AKR1C3: variants seen among roughly 807,000 people sequenced by gnomAD.
The protein encoded by AKR1C3 is aldo-keto reductase family 1 member C3.
In AKR1C3, 48 loss-of-function variants were observed where a neutral mutation model predicts 43.6. The ratio of observed to expected loss-of-function variants is 1.10; its 90% confidence interval spans 0.87 to 1.40. The LOEUF is 1.40. Among genes scored for constraint, AKR1C3 ranks in the 40% most tolerant of loss-of-function variants. AKR1C3 has a pLI of 0.00. For missense variants in AKR1C3, 482 were observed against 391.2 expected (o/e 1.23, Z -1.96); for synonymous variants, 162 against 139.6 (o/e 1.16, Z -1.13).
intron 1 of AKR1C3, among the ~76,000 whole-genome samples, chr10:5,056,341 T>A (rs782553743): frequency 3.3e-5 from 5 of 152,124 alleles, no homozygotes; most frequent in Non-Finnish European, 7.4e-5. Flanking sequence ...CCATGAACGA[T>A]TCTGCTTCCT....
At chr10:5,069,902 G>A (rs55824528) in intron 1 of AKR1C3, among the ~76,000 whole-genome samples, 23,115 of 151,926 alleles carry the variant, frequency 0.15, 2,254 homozygotes, top group Middle Eastern at 0.31. Context: ...GAGCCCTTCC[G>A]CCTTCTGCGC....
At chr10:5,096,603 T>G in intron 2 of AKR1C3, 26 bp downstream of exon 2, 1 of 1,604,340 alleles carries the variant, frequency 6.2e-7, no homozygotes, top group East Asian at 2.2e-5. Flanking sequence ...TGAGCTTGTG[T>G]GCACATGTAT....
intron 1 of AKR1C3, among the ~76,000 whole-genome samples, chr10:5,073,788 ATTC>A (rs1838657918): frequency 6.6e-6 from 1 of 152,128 alleles, no homozygotes; most frequent in East Asian, 1.9e-4. Context: ...CTTGTTAGTA[ATTC>A]TTCCTCCTTG....
intron 8 of AKR1C3, 72 bp downstream of exon 8, chr10:5,105,749 A>G: frequency 8.4e-7 from 1 of 1,193,704 alleles, no homozygotes; most frequent in Non-Finnish European, 1.2e-6. Flanking sequence ...GTTGAGAGTG[A>G]CCTCCATACC....
At chr10:5,052,520 G>A (rs1432798276) in intron 1 of AKR1C3, among the ~76,000 whole-genome samples, 2 of 152,194 alleles carry the variant, frequency 1.3e-5, no homozygotes, top group Admixed American at 1.3e-4. Flanking sequence ...ACAGGGTGCT[G>A]ATTGGTGTGT....
At chr10:5,101,401 A>T (rs1486325528) in intron 5 of AKR1C3, among the ~76,000 whole-genome samples, 1 of 152,156 alleles carries the variant, frequency 6.6e-6, no homozygotes, top group South Asian at 2.1e-4. Flanking sequence ...TTCTTACGTG[A>T]CATTTTACTA....
intron 1 of AKR1C3, among the ~76,000 whole-genome samples, chr10:5,088,551 G>A (rs547698011): frequency 5.3e-5 from 8 of 151,756 alleles, no homozygotes; most frequent in South Asian, 4.2e-4. Context: ...TCTTCTTGCT[G>A]TATGGAATCT....
chr10:5,093,919 TAC>T (rs1214909621), upstream of AKR1C3: 4 of 152,130 alleles, frequency 2.6e-5, no homozygotes, highest in Non-Finnish European at 5.9e-5. Flanking sequence ...CAAATATTTT[TAC>T]AGTTTTAACT....
chr10:5,107,091 T>C (rs1564373922), intron 8 of AKR1C3, among the ~76,000 whole-genome samples: 1 of 152,218 alleles, frequency 6.6e-6, no homozygotes, highest in Non-Finnish European at 1.5e-5. Context: ...ATATCATATA[T>C]AACAATTTAC....
intron 1 of AKR1C3, among the ~76,000 whole-genome samples, chr10:5,067,487 A>C (rs1355654967): frequency 6.6e-6 from 1 of 152,212 alleles, no homozygotes; most frequent in Non-Finnish European, 1.5e-5. Flanking sequence ...GCAGATGGCA[A>C]GATCTTCTGA....
chr10:5,085,403 A>G (rs370699861), intron 1 of AKR1C3, among the ~76,000 whole-genome samples: 3 of 151,874 alleles, frequency 2.0e-5, no homozygotes, highest in Non-Finnish European at 4.4e-5. Context: ...TGTTGAACCA[A>G]CCTTGCATCC....
intron 1 of AKR1C3, among the ~76,000 whole-genome samples, chr10:5,071,819 C>A (rs1185333048): frequency 6.6e-6 from 1 of 152,172 alleles, no homozygotes; most frequent in Non-Finnish European, 1.5e-5. Flanking sequence ...CCCAAGCAGC[C>A]CCTTCCTACT....
intron 1 of AKR1C3, among the ~76,000 whole-genome samples, chr10:5,072,818 TATC>T (rs1362014151): frequency 1.3e-5 from 2 of 152,162 alleles, no homozygotes; most frequent in Non-Finnish European, 2.9e-5. Flanking sequence ...GAAGACCAGT[TATC>T]ATTTATCTCA....
intron 1 of AKR1C3, among the ~76,000 whole-genome samples, chr10:5,063,932 T>C (rs1838439595): frequency 6.6e-6 from 1 of 152,104 alleles, no homozygotes; most frequent in Admixed American, 6.5e-5. Flanking sequence ...ATTCTCTCAA[T>C]GTCATTGCCT....
intron 5 of AKR1C3, chr10:5,099,958 T>TA (rs1564370383): frequency 6.5e-6 from 1 of 154,194 alleles, no homozygotes; most frequent in Non-Finnish European, 1.4e-5. Context: ...ATAGATATAC[T>TA]AAAAATTAGC....
intron 1 of AKR1C3, among the ~76,000 whole-genome samples, chr10:5,088,417 T>C (rs1404574205): frequency 6.6e-6 from 1 of 151,940 alleles, no homozygotes; most frequent in Non-Finnish European, 1.5e-5. Context: ...CATTTATAAG[T>C]GGGGTGTTGA....
chr10:5,080,243 T>G (rs1183256385), intron 1 of AKR1C3, among the ~76,000 whole-genome samples: 1 of 152,160 alleles, frequency 6.6e-6, no homozygotes, highest in Non-Finnish European at 1.5e-5. Flanking sequence ...TGTGAAAATG[T>G]TAAAAATCGT....
rs533307978 is a variant in AKR1C3, at chr10:5,085,957, C to A, written c.85-10453C>A. 4.7e-4 allele frequency among the ~76,000 whole-genome samples: 72 copies of A among 151,676 alleles called. 1 individual carries two copies. The highest frequency in any genetic ancestry group is 1.6e-3 in the African/African-American group (67 of 41,138). ...CATTTTTTATTGCGTCTATTTGATT[C>A]TTCTCTCTTTTCTTTTTTATTAGTC... On this transcript the variant is annotated intron_variant, in intron 1 of 8. Transcript: ENST00000439082.
At chr10:5,080,352 G>A (rs563059085) in intron 1 of AKR1C3, among the ~76,000 whole-genome samples, 5 of 152,210 alleles carry the variant, frequency 3.3e-5, no homozygotes, top group South Asian at 4.2e-4. Context: ...GGCTGGGTGC[G>A]GTAGCTAATG....
Sources: allele counts gnomAD v4.1 joint callset (sites outside exome capture counted in the v4.1 genomes callset), GRCh38; gene constraint gnomAD v4.1.1; transcripts MANE v1.5; gene names NCBI Gene and HGNC (gene_info 2026-07-23, HGNC 2026-07-21).